SNX24: variants seen among roughly 807,000 people sequenced by gnomAD.
SNX24 encodes the protein sorting nexin 24.
SNX24 carries 22 observed loss-of-function variants against 28.7 expected under a neutral mutation model. That is an observed-to-expected ratio of 0.77 (90% CI 0.55 to 1.10). The LOEUF (loss-of-function observed/expected upper bound fraction) is 1.10, where lower values mean the gene tolerates loss of function less well. SNX24 is among the 50% of genes least tolerant of loss of function. The pLI, the probability that SNX24 is intolerant of heterozygous loss-of-function variation, is 0.00. For missense variants in SNX24, 221 were observed against 201.1 expected (o/e 1.10, Z -0.60); for synonymous variants, 69 against 71.5 (o/e 0.96, Z 0.18).
At chr5:122,867,818 G>A (rs1221514716) in intron 1 of SNX24, among the ~76,000 whole-genome samples, 3 of 152,196 alleles carry the variant, frequency 2.0e-5, no homozygotes, top group Non-Finnish European at 4.4e-5. Context: ...GGTCTTCCAT[G>A]TAGGTATTCT....
In SNX24 at chr5:123,020,991, C is replaced by G. The variant is rs181192485; in HGVS notation, n.384-8247C>G. On this transcript the variant is annotated intron_variant and non_coding_transcript_variant, in intron 5 of 5. Coordinates refer to the SNX24 transcript ENST00000502387. Reference sequence around the variant, plus strand: ...GGATGGCCAACAGGACAGCCCTGCTCCCTCTTGCACCTCCCCTGCTCTGTT... The same window carrying G: ...GGATGGCCAACAGGACAGCCCTGCTGCCTCTTGCACCTCCCCTGCTCTGTT... Among the ~76,000 whole-genome samples, 345 of 151,630 alleles carry G rather than the reference C, an allele frequency of 2.3e-3. 1 individual carries two copies. The highest frequency in any genetic ancestry group is 3.6e-3 in the Non-Finnish European group (244 of 67,576).
chr5:123,001,178 C>T lies in SNX24; in HGVS notation c.345-227C>T, dbSNP rs117282277. Among the ~76,000 whole-genome samples, 90 of 152,210 alleles carry T rather than the reference C, an allele frequency of 5.9e-4. 3 individuals carry two copies. The East Asian group carries it at 0.014, about 23-fold the overall frequency. ...ACAAGCCCAAAAGTAGTAATAAAACCTGAGGATTTTTAAGTAATCTTAAGA... is the reference window on the plus strand; with the variant it reads ...ACAAGCCCAAAAGTAGTAATAAAACTTGAGGATTTTTAAGTAATCTTAAGA... On this transcript the variant is annotated intron_variant, in intron 4 of 6. Coordinates refer to ENST00000261369, the MANE Select transcript of SNX24 (RefSeq NM_014035.4).
At chr5:122,905,769 A>G (rs1468795833) in intron 1 of SNX24, among the ~76,000 whole-genome samples, 1 of 152,174 alleles carries the variant, frequency 6.6e-6, no homozygotes, top group Non-Finnish European at 1.5e-5. Context: ...GTAGGTTTAT[A>G]ATTACAGGTT....
chr5:122,924,161 A>G (rs1369861375), intron 1 of SNX24, among the ~76,000 whole-genome samples: 3 of 152,216 alleles, frequency 2.0e-5, no homozygotes, highest in Non-Finnish European at 4.4e-5. Flanking sequence ...TATATGTGCT[A>G]TGTTTTTTCC....
At chr5:122,970,517 G>A (rs1412586794) in intron 3 of SNX24, among the ~76,000 whole-genome samples, 2 of 152,118 alleles carry the variant, frequency 1.3e-5, no homozygotes, top group Non-Finnish European at 2.9e-5. Context: ...CGCCCAGGCT[G>A]GAGTGCAGTG....
intron 6 of SNX24, among the ~76,000 whole-genome samples, chr5:123,002,648 C>T (rs1219392319): frequency 6.6e-6 from 1 of 152,172 alleles, no homozygotes; most frequent in African/African-American, 2.4e-5. Flanking sequence ...AAGCCTCTTC[C>T]CCGAAACTAT....
At chr5:122,873,451 G>A (rs887901947) in intron 1 of SNX24, among the ~76,000 whole-genome samples, 10 of 152,144 alleles carry the variant, frequency 6.6e-5, no homozygotes, top group Non-Finnish European at 1.5e-4. Flanking sequence ...GTGATTTGCT[G>A]TGAGCATGTT....
chr5:122,970,625 C>T (rs572117613), intron 3 of SNX24, among the ~76,000 whole-genome samples: 4 of 152,264 alleles, frequency 2.6e-5, no homozygotes, highest in Middle Eastern at 3.4e-3. Context: ...CCCGCCACCC[C>T]GCCCGGCTAA....
At chr5:122,905,087 T>G (rs1473528542) in intron 1 of SNX24, among the ~76,000 whole-genome samples, 1 of 152,206 alleles carries the variant, frequency 6.6e-6, no homozygotes, top group Non-Finnish European at 1.5e-5. Flanking sequence ...TAGAATGTAT[T>G]GTGTTTTTAT....
intron 1 of SNX24, among the ~76,000 whole-genome samples, chr5:122,858,415 A>G (rs1322210942): frequency 6.6e-6 from 1 of 152,254 alleles, no homozygotes; most frequent in Non-Finnish European, 1.5e-5. Context: ...CATTAAAGCA[A>G]AGTATAGTCA....
chr5:122,885,106 G>C (rs1756648995), intron 1 of SNX24, among the ~76,000 whole-genome samples: 1 of 152,162 alleles, frequency 6.6e-6, no homozygotes, highest in East Asian at 1.9e-4. Flanking sequence ...CCTTGAATGG[G>C]GTTAGGGAAG....
In SNX24 at chr5:123,008,883, G is replaced by A. The variant is rs1762501948; in HGVS notation, c.*1134G>A. The A allele has an allele frequency of 5.1e-6, 5 of 983,740 alleles. No homozygotes were observed. The highest frequency in any genetic ancestry group is 1.7e-5 in the African/African-American group (1 of 57,186). The allele number at this position is 983,740 out of a possible 1,614,324, so 60.9% of individuals were successfully genotyped here. A position where few individuals can be genotyped will look rare whatever the true frequency, so the allele number is the denominator to read the frequency against. On this transcript the variant is annotated 3_prime_UTR_variant, in exon 7 of 7. Transcript: ENST00000261369. ...TATATACTACCTATATGTATGTGCT[G>A]TATGTGGGCATTTCATTGAGATCTA...
chr5:123,026,096 C>T (rs1762849081), intron 5 of SNX24: 1 of 748,658 alleles, frequency 1.3e-6, no homozygotes, highest in Middle Eastern at 3.9e-4. Flanking sequence ...AAGACATGTT[C>T]AAACATAAGC....
intron 5 of SNX24, among the ~76,000 whole-genome samples, chr5:123,015,449 A>T (rs1200887310): frequency 6.6e-6 from 1 of 152,198 alleles, no homozygotes; most frequent in Non-Finnish European, 1.5e-5. Context: ...ACATATTTGG[A>T]TGATCTCTTA....
intron 1 of SNX24, among the ~76,000 whole-genome samples, chr5:122,932,580 C>T (rs1253605861): frequency 6.6e-6 from 1 of 152,182 alleles, no homozygotes; most frequent in African/African-American, 2.4e-5. Context: ...CCAATTAATT[C>T]TCATTTTAGC....
rs556627573 is a variant in SNX24 at position 123,025,832 on chromosome 5, G to A, written n.384-3406G>A. The A allele has an allele frequency of 2.5e-6, 4 of 1,614,048 alleles. No homozygotes were observed. In the South Asian group the frequency reaches 4.4e-5, roughly 18 times the overall value. ...ACACCACATGTTTGCCGTCCAACCA[G>A]GTGGGCTTGGTCAAGGTGATAAAGA... On this transcript the variant is annotated intron_variant and non_coding_transcript_variant, in intron 5 of 5. Coordinates refer to the SNX24 transcript ENST00000502387.
At chr5:123,006,032 A>G (rs1212043765) in intron 6 of SNX24, among the ~76,000 whole-genome samples, 1 of 152,232 alleles carries the variant, frequency 6.6e-6, no homozygotes, top group Admixed American at 6.5e-5. Context: ...GGTAGATACT[A>G]TTATGAAATC....
At chr5:123,023,222 G>C (rs918265951) in intron 5 of SNX24, 1 of 152,162 alleles carries the variant, frequency 6.6e-6, no homozygotes, top group African/African-American at 2.4e-5. Context: ...ATCACCTTAA[G>C]TATATGAGAT....
chr5:122,900,123 G>C (rs183585784), intron 1 of SNX24, among the ~76,000 whole-genome samples: 1 of 151,566 alleles, frequency 6.6e-6, no homozygotes. Flanking sequence ...AGGCTCAAGC[G>C]ATACTCCTGC....
Sources: allele counts gnomAD v4.1 joint callset (sites outside exome capture counted in the v4.1 genomes callset), GRCh38; gene constraint gnomAD v4.1.1; transcripts MANE v1.5; gene names NCBI Gene and HGNC (gene_info 2026-07-23, HGNC 2026-07-21).